Variants in TGFBR1 observed in about 807,000 individuals in gnomAD.
TGFBR1 encodes the protein transforming growth factor beta receptor 1, also known as TGF-beta receptor type-1.
Under a neutral mutation model 55.1 loss-of-function variants are expected in TGFBR1, and 20 were observed. That is an observed-to-expected ratio of 0.36 (90% CI 0.26 to 0.53). The LOEUF (loss-of-function observed/expected upper bound fraction) is 0.53, where lower values mean the gene tolerates loss of function less well. TGFBR1 is among the 20% of genes least tolerant of loss of function. The probability of loss-of-function intolerance (pLI) is 0.91; values close to 1 mark genes in which losing one functional copy is unlikely to be tolerated. For missense variants in TGFBR1, 385 were observed against 617.6 expected (o/e 0.62, Z 3.99); for synonymous variants, 220 against 214.8 (o/e 1.02, Z -0.21).
chr9:99,118,771 CA>C (rs968643705), intron 1 of TGFBR1, among the ~76,000 whole-genome samples: 2 of 151,808 alleles, frequency 1.3e-5, no homozygotes, highest in Admixed American at 6.6e-5. Context: ...CCCAGCCTCC[CA>C]AATAGCTGGG....
In TGFBR1 at chr9:99,126,496, A is replaced by T. The variant is rs544436527; in HGVS notation, c.98-2359A>T. ...GTAACTGATAAAAGTAATGCTTAGAAAACATGGGTTGAATGACTAATCATG... is the reference window on the plus strand; with the variant it reads ...GTAACTGATAAAAGTAATGCTTAGATAACATGGGTTGAATGACTAATCATG... On this transcript the variant is annotated intron_variant, in intron 1 of 8. Transcript: ENST00000374994. 1.1e-4 allele frequency among the ~76,000 whole-genome samples: 16 copies of T among 152,342 alleles called. No homozygotes were observed. In the South Asian group the frequency reaches 3.1e-3, roughly 30 times the overall value.
Position 99,119,448 on chromosome 9 carries a change from G to A in TGFBR1, c.98-9407G>A, listed in dbSNP as rs80315843. Among the ~76,000 whole-genome samples, 162 of 152,334 alleles carry A rather than the reference G, an allele frequency of 1.1e-3. 1 individual carries two copies. The highest frequency in any genetic ancestry group is 8.3e-3 in the East Asian group (43 of 5,196). ...GTTGAAATTTTCGGTTTTGTCCTAC[G>A]TGAGGGGTTGTGGGGAGTAGGGGTG... On this transcript the variant is annotated intron_variant, in intron 1 of 8. Coordinates refer to ENST00000374994, the MANE Select transcript of TGFBR1 (RefSeq NM_004612.4).
chr9:99,118,539 GT>G (rs1826812383), intron 1 of TGFBR1, among the ~76,000 whole-genome samples: 1 of 151,110 alleles, frequency 6.6e-6, no homozygotes, highest in Non-Finnish European at 1.5e-5. Flanking sequence ...AATTTTATCA[GT>G]TTACTAAGAT....
chr9:99,135,051 A>G (rs1276781876), intron 3 of TGFBR1, among the ~76,000 whole-genome samples: 2 of 151,906 alleles, frequency 1.3e-5, no homozygotes, highest in Non-Finnish European at 2.9e-5. Context: ...GATTGTTGTG[A>G]GTTCAAGCAA....
intron 6 of TGFBR1, 24 bp downstream of exon 6, chr9:99,144,912 T>A: frequency 6.2e-7 from 1 of 1,611,864 alleles, no homozygotes; most frequent in Non-Finnish European, 8.5e-7. Flanking sequence ...CAACTATATT[T>A]AATATCTTCT....
chr9:99,149,158 T>C, intron 8 of TGFBR1, 22 bp from the exon 9 acceptor site: 2 of 1,568,164 alleles, frequency 1.3e-6, no homozygotes, highest in South Asian at 1.2e-5. Context: ...GCATTAATTT[T>C]TTTTTTTATA....
chr9:99,108,195 TATAA>T (rs1376319151), intron 1 of TGFBR1, among the ~76,000 whole-genome samples: 2 of 152,238 alleles, frequency 1.3e-5, no homozygotes, highest in African/African-American at 2.4e-5. Context: ...TGTAATTCCG[TATAA>T]ATAATCAGGA....
chr9:99,142,833 C>A (rs1243866438), intron 5 of TGFBR1, 130 bp downstream of exon 5: 1 of 1,003,552 alleles, frequency 1.0e-6, no homozygotes, highest in Non-Finnish European at 1.5e-6. Context: ...CTGAGGTGGG[C>A]AGATCGCCCG....
At chr9:99,115,894 C>T (rs1221301557) in intron 1 of TGFBR1, among the ~76,000 whole-genome samples, 1 of 152,040 alleles carries the variant, frequency 6.6e-6, no homozygotes. Context: ...AAAAAAATTA[C>T]AAATCAGGGG....
At chr9:99,105,508 G>A (rs562742004) in intron 1 of TGFBR1, among the ~76,000 whole-genome samples, 5 of 150,584 alleles carry the variant, frequency 3.3e-5, no homozygotes, top group African/African-American at 1.2e-4. Flanking sequence ...GCAGGGGCGT[G>A]TGTCCGGGCG....
rs10988727 is a variant in TGFBR1, at chr9:99,147,238, A to G, written c.1256-416A>G. Among the ~76,000 whole-genome samples, 1,341 of 152,308 alleles carry G rather than the reference A, an allele frequency of 8.8e-3. 7 individuals carry two copies. Among genetic ancestry groups the G allele is most frequent in the East Asian group, 0.036 (187 of 5,184 alleles). ...ATATATTATTGACAGATGCAAGTAG[A>G]GAAAGGGACTTGGCACCTTAAACTT... On this transcript the variant is annotated intron_variant, in intron 7 of 8. Transcript: ENST00000374994.
intron 5 of TGFBR1, among the ~76,000 whole-genome samples, chr9:99,143,705 GT>G (rs1279986896): frequency 6.6e-6 from 1 of 151,868 alleles, no homozygotes; most frequent in Non-Finnish European, 1.5e-5. Context: ...AAATTCAGTG[GT>G]TTTTAGAATA....
At chr9:99,112,986 T>C (rs760500677) in intron 1 of TGFBR1, among the ~76,000 whole-genome samples, 4 of 152,202 alleles carry the variant, frequency 2.6e-5, no homozygotes, top group Non-Finnish European at 5.9e-5. Flanking sequence ...CCTAAAACGC[T>C]ACCTTAAATG....
intron 1 of TGFBR1, among the ~76,000 whole-genome samples, chr9:99,121,352 G>C (rs1254971060): frequency 6.6e-6 from 1 of 152,148 alleles, no homozygotes; most frequent in Admixed American, 6.6e-5. Flanking sequence ...GAGGGAATTG[G>C]AGGTCAGGGT....
In TGFBR1 at chr9:99,151,063, A is replaced by T. The variant is rs1487152685; in HGVS notation, c.*1758A>T. ...TCAGGAAGAGAAAGTGGCCATTTACACTGAATGAGTTGCATTCTGATAATG... is the reference window on the plus strand; with the variant it reads ...TCAGGAAGAGAAAGTGGCCATTTACTCTGAATGAGTTGCATTCTGATAATG... On this transcript the variant is annotated 3_prime_UTR_variant, in exon 9 of 9. Coordinates refer to ENST00000374994, the MANE Select transcript of TGFBR1 (RefSeq NM_004612.4). The T allele has an allele frequency of 4.4e-6, 1 of 228,194 alleles. No homozygotes were observed. The highest frequency in any genetic ancestry group is 8.7e-6 in the Non-Finnish European group (1 of 114,796). The allele number at this position is 228,194 out of a possible 1,614,324, so 14.1% of individuals were successfully genotyped here.
At chr9:99,128,802 A>G in intron 1 of TGFBR1, 53 bp from the exon 2 acceptor site, 1 of 1,605,648 alleles carries the variant, frequency 6.2e-7, no homozygotes, top group Non-Finnish European at 8.5e-7. Flanking sequence ...ATATTGGATA[A>G]TTTCAAACTG....
In TGFBR1 at chr9:99,149,803, C is replaced by T. The variant is rs929455262; in HGVS notation, c.*498C>T. 4.3e-6 allele frequency: 1 copy of T among 230,324 alleles called. No homozygotes were observed. Among genetic ancestry groups the T allele is most frequent in the Non-Finnish European group, 8.7e-6 (1 of 115,244 alleles). The allele number at this position is 230,324 out of a possible 1,614,324, so 14.3% of individuals were successfully genotyped here. ...GTTTTTCAGGATCTTAAAACTAACA[C>T]TTATAAAACTCTTATCTTGAGTCTA... is the stretch of plus-strand genomic sequence containing the variant. On this transcript the variant is annotated 3_prime_UTR_variant, in exon 9 of 9. Transcript: ENST00000374994.
At chr9:99,117,906 C>A (rs1385909982) in intron 1 of TGFBR1, among the ~76,000 whole-genome samples, 2 of 152,152 alleles carry the variant, frequency 1.3e-5, no homozygotes, top group African/African-American at 2.4e-5. Flanking sequence ...ATCTACAGAT[C>A]ACTTTATGGA....
chr9:99,105,450 G>A, intron 1 of TGFBR1, 148 bp downstream of exon 1: 2 of 685,910 alleles, frequency 2.9e-6, no homozygotes, highest in Non-Finnish European at 1.8e-6. Flanking sequence ...GTGGCGCCGC[G>A]CGGCTCGGCG....
Sources: allele counts gnomAD v4.1 joint callset (sites outside exome capture counted in the v4.1 genomes callset), GRCh38; gene constraint gnomAD v4.1.1; transcripts MANE v1.5; gene names NCBI Gene and HGNC (gene_info 2026-07-23, HGNC 2026-07-21).